Variants in RUBCN observed in about 807,000 individuals in gnomAD.
RUBCN encodes the protein run domain Beclin-1-interacting and cysteine-rich domain-containing protein.
RUBCN carries 74 observed loss-of-function variants against 113.2 expected under a neutral mutation model. The observed-to-expected ratio is 0.65, with a 90% CI of 0.54 to 0.79. The LOEUF (loss-of-function observed/expected upper bound fraction) is 0.79, where lower values mean the gene tolerates loss of function less well. Ranked by LOEUF, RUBCN falls within the 30% of genes least tolerant of loss-of-function variation. RUBCN has a pLI of 0.00. For synonymous variants in RUBCN, 480 were observed against 490.0 expected (o/e 0.98, Z 0.27); for missense variants, 1,109 against 1,251.7 (o/e 0.89, Z 1.72).
intron 11 of RUBCN, among the ~76,000 whole-genome samples, chr3:197,687,988 C>T (rs1471660643): frequency 1.3e-5 from 2 of 152,182 alleles, no homozygotes; most frequent in Admixed American, 6.5e-5. Context: ...CATCTCAGCC[C>T]CAGGGATAGT....
rs778621279 is a variant in RUBCN at position 197,675,532 on chromosome 3, C to T, written c.2647-17G>A. On this transcript the variant is annotated splice_polypyrimidine_tract_variant and intron_variant, in intron 18 of 19. Transcript: ENST00000296343. The surrounding 1 kb of genome is among the most constrained non-coding windows in gnomAD (Gnocchi z 4.4). ...TTGGCAGAGCTGGGGAGGAAAAACA[C>T]AGATGGCAAAATGAGGAGCGGCACA... is the stretch of plus-strand genomic sequence containing the variant. 6 of 1,596,556 alleles carry T rather than the reference C, an allele frequency of 3.8e-6. No homozygotes were observed. The South Asian group carries it at 5.5e-5, about 15-fold the overall frequency.
rs190429301 is a variant in RUBCN, at chr3:197,670,645, T to C, written c.*4373A>G. Among the ~76,000 whole-genome samples the C allele has an allele frequency of 5.1e-4, 78 of 152,370 alleles. No individual in the cohort carries two copies. Among genetic ancestry groups the C allele is most frequent in the Non-Finnish European group, 9.4e-4 (64 of 68,038 alleles). ...CTCTAGTTGAAAAACATTTGAACAT[T>C]TTATCAACTTCAGCAGTCTTTCACA... On this transcript the variant is annotated 3_prime_UTR_variant, in exon 20 of 20. Transcript: ENST00000296343.
intron 4 of RUBCN, among the ~76,000 whole-genome samples, chr3:197,704,303 A>C (rs576077928): frequency 1.0e-3 from 155 of 152,268 alleles, no homozygotes; most frequent in Non-Finnish European, 1.7e-3. Context: ...GCATGGTGGC[A>C]CATGCCTGTA....
intron 1 of RUBCN, among the ~76,000 whole-genome samples, chr3:197,730,618 G>C (rs112622269): frequency 0.11 from 16,746 of 149,236 alleles, 1,156 homozygotes; most frequent in African/African-American, 0.18. Flanking sequence ...GGGCCATCAC[G>C]AGTGTGGATG....
intron 2 of RUBCN, among the ~76,000 whole-genome samples, chr3:197,710,461 A>C (rs986137334): frequency 5.9e-5 from 9 of 151,510 alleles, no homozygotes; most frequent in African/African-American, 2.2e-4. Flanking sequence ...TTAGCTGGGC[A>C]TGGTGGCACA....
intron 1 of RUBCN, among the ~76,000 whole-genome samples, chr3:197,719,233 T>C (rs1032092840): frequency 4.6e-5 from 7 of 151,990 alleles, no homozygotes; most frequent in African/African-American, 1.4e-4. Flanking sequence ...TCCCAGCAAT[T>C]TGGGAGGCTG....
intron 5 of RUBCN, among the ~76,000 whole-genome samples, chr3:197,702,525 T>A (rs1206850238): frequency 1.3e-5 from 2 of 152,044 alleles, no homozygotes; most frequent in Non-Finnish European, 2.9e-5. Context: ...TAGCTGGGCG[T>A]GGTGGCGTGC....
chr3:197,689,145 C>G (rs1405146323), intron 11 of RUBCN, among the ~76,000 whole-genome samples: 1 of 151,940 alleles, frequency 6.6e-6, no homozygotes, highest in Non-Finnish European at 1.5e-5. Context: ...CCCACCTCAG[C>G]CTCCAGAGTG....
chr3:197,712,142 T>G (rs1231315370), intron 2 of RUBCN, among the ~76,000 whole-genome samples: 1 of 152,152 alleles, frequency 6.6e-6, no homozygotes, highest in Non-Finnish European at 1.5e-5. Flanking sequence ...AAAGGAGGAA[T>G]CCTTTCACTT....
intron 1 of RUBCN, among the ~76,000 whole-genome samples, chr3:197,719,060 T>C (rs1269592337): frequency 2.6e-5 from 4 of 152,180 alleles, no homozygotes; most frequent in Non-Finnish European, 1.5e-5. Flanking sequence ...GACACAGTTT[T>C]CCCATGTGCC....
intron 18 of RUBCN, 192 bp downstream of exon 18, chr3:197,676,693 C>A: frequency 2.8e-6 from 4 of 1,444,020 alleles, no homozygotes; most frequent in Non-Finnish European, 3.6e-6. Context: ...TCCCCTCACT[C>A]GAGGTTCTTT....
At position 197,681,433 on chromosome 3, in the gene RUBCN, C is replaced by T; in HGVS notation, c.2192-66G>A. 8.1e-7 allele frequency: 1 copy of T among 1,240,874 alleles called. No homozygotes were observed. The highest frequency in any genetic ancestry group is 1.2e-6 in the Non-Finnish European group (1 of 846,190). 76.9% of individuals were successfully genotyped at this position (1,240,874 alleles called of 1,614,324 possible). On this transcript the variant is annotated intron_variant, in intron 15 of 19. Transcript: ENST00000296343. This position sits in a 1 kb window ranked among gnomAD's most constrained non-coding sequence, Gnocchi z 5.5. ...CCATCTACAAGCTGGGAAGGCAGCT[C>T]TGCTTTTCCCTTGAAAGGGCAGAGA...
chr3:197,725,216 G>A (rs1326925790), intron 1 of RUBCN, among the ~76,000 whole-genome samples: 1 of 152,082 alleles, frequency 6.6e-6, no homozygotes, highest in East Asian at 1.9e-4. Flanking sequence ...TCCTCCTTCA[G>A]GTAGAAAAAA....
intron 18 of RUBCN, chr3:197,676,666 C>T: frequency 2.1e-6 from 3 of 1,417,594 alleles, no homozygotes; most frequent in South Asian, 3.0e-5. Flanking sequence ...CCCAGGACCA[C>T]AGCCAGCACC....
At chr3:197,685,604 C>T (rs1721752124) in intron 11 of RUBCN, among the ~76,000 whole-genome samples, 1 of 152,200 alleles carries the variant, frequency 6.6e-6, no homozygotes, top group African/African-American at 2.4e-5. Flanking sequence ...GTCTTCAAAG[C>T]TACATGTATG....
At chr3:197,705,041 C>A in intron 3 of RUBCN, 51 bp downstream of exon 3, 1 of 1,398,266 alleles carries the variant, frequency 7.2e-7, no homozygotes, top group African/African-American at 1.4e-5. Context: ...GAGCCTCAAA[C>A]AGTGAAGACC....
At chr3:197,690,917 T>C (rs1024065087) in intron 11 of RUBCN, among the ~76,000 whole-genome samples, 33 of 152,334 alleles carry the variant, frequency 2.2e-4, no homozygotes, top group African/African-American at 6.7e-4. Context: ...TCCTGGCTTG[T>C]TGTTCTGGCT....
chr3:197,749,180 G>C, intron 1 of RUBCN: 1 of 652,578 alleles, frequency 1.5e-6, no homozygotes, highest in Non-Finnish European at 1.9e-6. Context: ...TTTCCCGTAG[G>C]GATGATTAAA....
In RUBCN at chr3:197,669,862, C is replaced by A. The variant is rs78301472; in HGVS notation, c.*5156G>T. On this transcript the variant is annotated 3_prime_UTR_variant, in exon 20 of 20. Coordinates refer to ENST00000296343, the MANE Select transcript of RUBCN (RefSeq NM_014687.4). ...CTTCTTCTCACATAACATTGTATTA[C>A]AAGACTTTTTCCCCATGTTACTATC... is the stretch of plus-strand genomic sequence containing the variant. Among the ~76,000 whole-genome samples, 4,666 of 152,192 alleles carry A rather than the reference C, an allele frequency of 0.031. 140 individuals are homozygous for A. The highest frequency in any genetic ancestry group is 0.071 in the African/African-American group (2,949 of 41,512).
Sources: allele counts gnomAD v4.1 joint callset (sites outside exome capture counted in the v4.1 genomes callset), GRCh38; gene constraint gnomAD v4.1.1; non-coding constraint Gnocchi (gnomAD v3.1); transcripts MANE v1.5; gene names NCBI Gene and HGNC (gene_info 2026-07-23, HGNC 2026-07-21).